Variants in CHN2 observed in about 807,000 individuals in gnomAD.
CHN2 encodes the protein chimerin 2.
In CHN2, 35 loss-of-function variants were observed where a neutral mutation model predicts 56.3. The observed-to-expected ratio is 0.62, with a 90% CI of 0.47 to 0.82. The LOEUF (loss-of-function observed/expected upper bound fraction) is 0.82, where lower values mean the gene tolerates loss of function less well. Among genes scored for constraint, CHN2 ranks in the 40% least tolerant of loss-of-function variants. The pLI, the probability that CHN2 is intolerant of heterozygous loss-of-function variation, is 0.00. For synonymous variants in CHN2, 210 were observed against 212.8 expected, an observed-to-expected ratio of 0.99 and a Z score of 0.12; for missense variants, 491 against 580.5, an observed-to-expected ratio of 0.85 and a Z score of 1.58.
At chr7:29,393,348 G>A (rs1801500063) in intron 3 of CHN2, among the ~76,000 whole-genome samples, 1 of 152,182 alleles carries the variant, frequency 6.6e-6, no homozygotes, top group Non-Finnish European at 1.5e-5. Flanking sequence ...TCATGACAGA[G>A]TAGTTGTTTT....
intron 1 of CHN2, among the ~76,000 whole-genome samples, chr7:29,219,844 G>C (rs1288679371): frequency 2.6e-5 from 4 of 152,124 alleles, no homozygotes; most frequent in African/African-American, 9.7e-5. Context: ...TAGGAGGCGA[G>C]GTGGGCGGAT....
chr7:29,224,473 G>A (rs1786044541), intron 1 of CHN2, among the ~76,000 whole-genome samples: 1 of 152,120 alleles, frequency 6.6e-6, no homozygotes, highest in African/African-American at 2.4e-5. Flanking sequence ...TCTAAATCCT[G>A]CTTGGTTTAA....
At chr7:29,173,247 A>G (rs1039004026) in intron 2 of CHN2, among the ~76,000 whole-genome samples, 4 of 152,076 alleles carry the variant, frequency 2.6e-5, no homozygotes, top group Admixed American at 2.6e-4. Flanking sequence ...CTAAGCAGGA[A>G]CCCAGAGGAA....
Position 29,512,864 on chromosome 7 carries a change from C to T in CHN2, c.*129C>T, listed in dbSNP as rs1394428447. The T allele has an allele frequency of 8.9e-6, 9 of 1,007,346 alleles. 1 individual carries two copies. Among genetic ancestry groups the T allele is most frequent in the Middle Eastern group, 3.2e-4 (1 of 3,090 alleles). The allele number at this position is 1,007,346 out of a possible 1,614,324, so 62.4% of individuals were successfully genotyped here. ...TAGAATTTCCTGGACTGCAGAGGAT[C>T]GCTGAGTGGGGTACTGTGTCTCATA... On this transcript the variant is annotated 3_prime_UTR_variant, in exon 13 of 13. Coordinates refer to ENST00000222792, the MANE Select transcript of CHN2 (RefSeq NM_004067.4).
At chr7:29,361,804 C>A (rs938680586) in intron 2 of CHN2, among the ~76,000 whole-genome samples, 7 of 152,218 alleles carry the variant, frequency 4.6e-5, no homozygotes, top group African/African-American at 1.4e-4. Context: ...CGCTCAGGGT[C>A]TCTTTGTAAA....
intron 6 of CHN2, among the ~76,000 whole-genome samples, chr7:29,404,424 G>C (rs1341709066): frequency 6.6e-6 from 1 of 152,050 alleles, no homozygotes; most frequent in African/African-American, 2.4e-5. Context: ...AATAATAAAA[G>C]CACATTTAAG....
At chr7:29,321,570 CTTTTTTTT>C (rs59651474) in intron 1 of CHN2, among the ~76,000 whole-genome samples, 1 of 128,188 alleles carries the variant, frequency 7.8e-6, no homozygotes, top group East Asian at 2.2e-4. Context: ...TTCTTTCTTT[CTTTTTTTT>C]TTTTTTTTTG....
At chr7:29,159,341 A>T (rs1021125877) in intron 2 of CHN2, among the ~76,000 whole-genome samples, 1 of 152,224 alleles carries the variant, frequency 6.6e-6, no homozygotes, top group Admixed American at 6.5e-5. Context: ...AAATGCCTGC[A>T]GCATCCTGGC....
intron 3 of CHN2, among the ~76,000 whole-genome samples, chr7:29,371,330 A>G (rs910694918): frequency 4.6e-5 from 7 of 152,230 alleles, no homozygotes; most frequent in African/African-American, 1.7e-4. Flanking sequence ...TCTGGCGCCA[A>G]TTAAGCCAGG....
chr7:29,331,063 T>C (rs946479413), intron 1 of CHN2, among the ~76,000 whole-genome samples: 1 of 152,230 alleles, frequency 6.6e-6, no homozygotes, highest in Admixed American at 6.5e-5. Flanking sequence ...CCTCTCCTTT[T>C]GGGCAACGTA....
chr7:29,331,510 C>T (rs1385818720), intron 1 of CHN2, among the ~76,000 whole-genome samples: 2 of 152,102 alleles, frequency 1.3e-5, no homozygotes, highest in African/African-American at 4.8e-5. Flanking sequence ...CTCCCGCCAC[C>T]CCCTCTTTCC....
chr7:29,371,283 G>A (rs1376670073), intron 3 of CHN2, among the ~76,000 whole-genome samples: 3 of 152,172 alleles, frequency 2.0e-5, no homozygotes, highest in African/African-American at 7.2e-5. Context: ...AGATACTGAG[G>A]ATGAGGAACA....
At chr7:29,304,189 C>T (rs1237915639) in intron 1 of CHN2, among the ~76,000 whole-genome samples, 2 of 152,114 alleles carry the variant, frequency 1.3e-5, no homozygotes, top group Non-Finnish European at 2.9e-5. Context: ...TATCCTAATT[C>T]GAATGTTTCA....
At chr7:29,506,002 C>A (rs778701628) in intron 10 of CHN2, among the ~76,000 whole-genome samples, 1 of 152,162 alleles carries the variant, frequency 6.6e-6, no homozygotes. Context: ...TTTGCTGAGG[C>A]ATTTATTCTT....
chr7:29,447,987 A>G (rs1291181693), intron 6 of CHN2, among the ~76,000 whole-genome samples: 9 of 152,202 alleles, frequency 5.9e-5, no homozygotes, highest in Admixed American at 5.9e-4. Context: ...CCGTATTTTT[A>G]AGAGCTTGGC....
chr7:29,148,202 G>GT (rs2128685636), intron 2 of CHN2, among the ~76,000 whole-genome samples: 1 of 152,350 alleles, frequency 6.6e-6, no homozygotes, highest in East Asian at 1.9e-4. Flanking sequence ...GCCTTCTAAA[G>GT]TGTGGGCCCT....
At chr7:29,187,375 G>A (rs1279571451) in intron 2 of CHN2, among the ~76,000 whole-genome samples, 1 of 152,030 alleles carries the variant, frequency 6.6e-6, no homozygotes, top group Non-Finnish European at 1.5e-5. Flanking sequence ...GACAAAGAGA[G>A]AGACAGAGAG....
chr7:29,275,013 T>C (rs926685785), intron 1 of CHN2, among the ~76,000 whole-genome samples: 4 of 152,142 alleles, frequency 2.6e-5, no homozygotes, highest in African/African-American at 9.7e-5. Flanking sequence ...TGTCCCCTGC[T>C]AAACCTAACT....
chr7:29,326,244 G>T (rs537091435), intron 1 of CHN2, among the ~76,000 whole-genome samples: 2 of 152,162 alleles, frequency 1.3e-5, no homozygotes, highest in African/African-American at 4.8e-5. Context: ...AGCAACCTCC[G>T]CTTCCTGGGT....
Sources: allele counts gnomAD v4.1 joint callset (sites outside exome capture counted in the v4.1 genomes callset), GRCh38; gene constraint gnomAD v4.1.1; transcripts MANE v1.5; gene names NCBI Gene and HGNC (gene_info 2026-07-23, HGNC 2026-07-21).